Variants in SEC24B observed in about 807,000 individuals in gnomAD.
The protein encoded by SEC24B is protein transport protein Sec24B.
A neutral mutation model predicts 142.8 loss-of-function variants in SEC24B; 45 were observed. The ratio of observed to expected loss-of-function variants is 0.32; its 90% CI spans 0.25 to 0.40. The LOEUF is 0.40. Ranked by LOEUF, SEC24B falls within the 10% of genes least tolerant of loss-of-function variation. The probability of loss-of-function intolerance (pLI) is 1.00; values close to 1 mark genes in which losing one functional copy is unlikely to be tolerated. For missense variants in SEC24B, 1,409 were observed against 1,526.8 expected, an observed-to-expected ratio of 0.92 and a Z score of 1.29; for synonymous variants, 574 against 568.2, an observed-to-expected ratio of 1.01 and a Z score of -0.15.
chr4:109,516,642 TAAG>T lies in SEC24B; in HGVS notation c.2126+5_2126+7del, dbSNP rs1361699107. On this transcript the variant is annotated splice_donor_5th_base_variant and intron_variant, in intron 11 of 23. Coordinates refer to ENST00000265175, the MANE Select transcript of SEC24B (RefSeq NM_006323.5). ...GTCACTCCTAGAAAATCTAGACAAG[TAAG>T]AATATTTTTAATTCATACTATACAT... 1.3e-6 allele frequency: 2 copies of T among 1,519,730 alleles called. No individual in the cohort carries two copies. Among genetic ancestry groups the T allele is most frequent in the South Asian group, 1.1e-5 (1 of 87,984 alleles). The allele number at this position is 1,519,730 out of a possible 1,614,324, so 94.1% of individuals were successfully genotyped here.
At chr4:109,518,698 A>G (rs1723247926) in intron 11 of SEC24B, among the ~76,000 whole-genome samples, 1 of 152,152 alleles carries the variant, frequency 6.6e-6, no homozygotes, top group South Asian at 2.1e-4. Context: ...TACTTTAGTC[A>G]CAAGTGCTTA....
chr4:109,458,110 A>C (rs77911134), intron 1 of SEC24B, among the ~76,000 whole-genome samples: 26 of 148,852 alleles, frequency 1.7e-4, no homozygotes, highest in African/African-American at 6.0e-4. Context: ...TTTTTTCTCT[A>C]TGTTTCTTAG....
chr4:109,512,442 G>A (rs886946463), intron 9 of SEC24B, among the ~76,000 whole-genome samples: 10 of 152,174 alleles, frequency 6.6e-5, no homozygotes, highest in African/African-American at 2.4e-4. Context: ...CTGGATGCAT[G>A]CATGTATATA....
At chr4:109,483,269 T>G (rs1257955096) in intron 4 of SEC24B, among the ~76,000 whole-genome samples, 2 of 150,832 alleles carry the variant, frequency 1.3e-5, no homozygotes, top group Non-Finnish European at 3.0e-5. Context: ...TTAGTAGAGA[T>G]GGGGTTTCAC....
intron 6 of SEC24B, among the ~76,000 whole-genome samples, chr4:109,503,386 C>T (rs944161085): frequency 1.5e-4 from 23 of 152,066 alleles, no homozygotes; most frequent in African/African-American, 7.2e-5. Context: ...ACACCACACC[C>T]AGCTAATTTT....
chr4:109,523,520 A>G (rs1723888631), intron 14 of SEC24B, among the ~76,000 whole-genome samples: 1 of 152,110 alleles, frequency 6.6e-6, no homozygotes, highest in East Asian at 1.9e-4. Flanking sequence ...GAATATACGA[A>G]GCTGAACATT....
chr4:109,507,806 C>G (rs537157964), intron 7 of SEC24B, among the ~76,000 whole-genome samples: 2 of 152,126 alleles, frequency 1.3e-5, no homozygotes, highest in South Asian at 4.2e-4. Context: ...CCACCACACC[C>G]AGCTAATTTT....
At chr4:109,491,986 C>T (rs763996262) in intron 5 of SEC24B, among the ~76,000 whole-genome samples, 2 of 152,104 alleles carry the variant, frequency 1.3e-5, no homozygotes, top group Non-Finnish European at 2.9e-5. Flanking sequence ...CCTCCTGTCT[C>T]CTATCACTGA....
At chr4:109,525,579 C>A in intron 16 of SEC24B, 75 bp downstream of exon 16, 1 of 945,122 alleles carries the variant, frequency 1.1e-6, no homozygotes, top group Non-Finnish European at 1.5e-6. Flanking sequence ...GTATTGACTA[C>A]CTCTGACTGT....
intron 4 of SEC24B, among the ~76,000 whole-genome samples, chr4:109,482,981 C>T (rs868328717): frequency 3.7e-3 from 251 of 67,928 alleles, no homozygotes; most frequent in Non-Finnish European, 5.5e-3. Flanking sequence ...TATATATATA[C>T]ACACACACAC....
rs1408633373 is a variant in SEC24B at position 109,483,003 on chromosome 4, C to CACACACACACACACACACACACACACAT, written c.1165+1223_1165+1224insCACACACACACACACACACACACACATA. Among the ~76,000 whole-genome samples, 23 of 84,066 alleles carry CACACACACACACACACACACACACACAT rather than the reference C, an allele frequency of 2.7e-4. 1 individual carries two copies. The highest frequency in any genetic ancestry group is 1.1e-3 in the African/African-American group (14 of 12,192). The allele number at this position is 84,066 out of a possible 152,430, so 55.2% of individuals were successfully genotyped here. A position where few individuals can be genotyped will look rare whatever the true frequency, so the allele number is the denominator to read the frequency against. On this transcript the variant is annotated intron_variant, in intron 4 of 23. Transcript: ENST00000265175. ...ATACACACACACACACACACACACA[C>CACACACACACACACACACACACACACAT]ATATTATACATATGTTTTTTATATA... is the stretch of plus-strand genomic sequence containing the variant.
chr4:109,467,283 G>A (rs1249740032), intron 2 of SEC24B, among the ~76,000 whole-genome samples: 3 of 137,470 alleles, frequency 2.2e-5, no homozygotes, highest in East Asian at 2.2e-4. Context: ...CCGAGATCGC[G>A]CCACTGCACT....
At chr4:109,491,546 A>G (rs1359259426) in intron 5 of SEC24B, 139 bp downstream of exon 5, 1 of 580,070 alleles carries the variant, frequency 1.7e-6, no homozygotes, top group Non-Finnish European at 3.0e-6. Flanking sequence ...GGCACTTCTC[A>G]GCCTCAACTT....
chr4:109,487,594 A>G (rs1398286780), intron 4 of SEC24B, among the ~76,000 whole-genome samples: 1 of 152,262 alleles, frequency 6.6e-6, no homozygotes, highest in Non-Finnish European at 1.5e-5. Flanking sequence ...TAAGTTTTCA[A>G]TCAGGTACTG....
intron 11 of SEC24B, among the ~76,000 whole-genome samples, chr4:109,518,999 G>T (rs1723297892): frequency 6.6e-6 from 1 of 151,956 alleles, no homozygotes; most frequent in African/African-American, 2.4e-5. Flanking sequence ...TAGAGACAGG[G>T]TTTTGCCATG....
intron 3 of SEC24B, among the ~76,000 whole-genome samples, chr4:109,480,236 G>A (rs572073758): frequency 1.3e-5 from 2 of 151,104 alleles, no homozygotes; most frequent in Admixed American, 1.3e-4. Flanking sequence ...CTCTAGTGAT[G>A]AGTTGTTTAT....
At chr4:109,497,617 T>C (rs1319255604) in intron 6 of SEC24B, among the ~76,000 whole-genome samples, 2 of 152,042 alleles carry the variant, frequency 1.3e-5, no homozygotes. Flanking sequence ...AATCTTTTGC[T>C]CAACATTATG....
chr4:109,498,509 C>G (rs915101082), intron 6 of SEC24B, among the ~76,000 whole-genome samples: 3 of 152,074 alleles, frequency 2.0e-5, no homozygotes, highest in African/African-American at 7.2e-5. Context: ...GCACTACAGG[C>G]GTGTGCCACC....
intron 6 of SEC24B, among the ~76,000 whole-genome samples, chr4:109,503,400 A>G (rs1578919434): frequency 6.6e-6 from 1 of 151,934 alleles, no homozygotes; most frequent in South Asian, 2.1e-4. Context: ...TAATTTTTCA[A>G]TTTTTAGTAG....
Sources: gnomAD v4.1 joint callset for allele counts (sites outside exome capture counted in the v4.1 genomes callset) on GRCh38, gnomAD v4.1.1 for gene constraint, MANE v1.5 for transcripts, NCBI Gene and HGNC (gene_info 2026-07-23, HGNC 2026-07-21) for gene names.